Variants in TGM6 observed in about 807,000 individuals in gnomAD.
TGM6 encodes the protein protein-glutamine gamma-glutamyltransferase 6.
TGM6 carries 74 observed loss-of-function variants against 77.5 expected under a neutral mutation model. The observed-to-expected ratio is 0.96, with a 90% confidence interval of 0.79 to 1.16. The LOEUF is 1.16. TGM6 is among the 50% of genes most tolerant of loss of function. The probability of loss-of-function intolerance (pLI) is 0.00; values close to 1 mark genes in which losing one functional copy is unlikely to be tolerated. For synonymous variants in TGM6, 383 were observed against 378.9 expected, an observed-to-expected ratio of 1.01 and a Z score of -0.12; for missense variants, 968 against 940.2, an observed-to-expected ratio of 1.03 and a Z score of -0.39.
In TGM6 at chr20:2,417,342, C is replaced by T. The variant is rs748034814; in HGVS notation, c.1447C>T (p.Arg483Cys). 6.8e-6 allele frequency: 11 copies of T among 1,613,888 alleles called. No homozygotes were observed. The highest frequency in any genetic ancestry group is 2.2e-5 in the South Asian group (2 of 91,060). ...CAGGGCTGGGGGTCGCTGTCTCTGG[C>T]GTGACGACCTCCTGGAGCCTGCCAC... ...IRRAGGRCLWRDDLLEPATKP... is the reference protein window; with the variant it reads ...IRRAGGRCLWCDDLLEPATKP... The change falls in exon 10 of 13, where the codon CGT (arginine) becomes TGT (cysteine). Residue 483 changes from arginine (R) to cysteine (C), a missense_variant. Physicochemically the swap from Arg to Cys is radical, Grantham distance 180. Transcript: ENST00000202625.
At chr20:2,393,762 G>A (rs2084643607) in intron 1 of TGM6, among the ~76,000 whole-genome samples, 2 of 152,046 alleles carry the variant, frequency 1.3e-5, no homozygotes, top group Admixed American at 1.3e-4. Context: ...CCTGAGCTTA[G>A]GCAATCCGCC....
In TGM6 at chr20:2,403,675, C is replaced by A. The variant is rs145029765; in HGVS notation, c.1188C>A (p.Asn396Lys). 1 of 1,614,206 alleles carries A rather than the reference C, an allele frequency of 6.2e-7. No individual in the cohort carries two copies. Residue 396 changes from asparagine (N) to lysine (K), a missense_variant, in exon 9 of 13, where the codon AAC (asparagine) becomes AAA (lysine). Coordinates refer to ENST00000202625, the MANE Select transcript of TGM6 (RefSeq NM_198994.3). ...GCCCCTTCGTGTTTGCGGAGGTCAA[C>A]GCCGACTACATCACCTGGCTGTGGC... ...HDGPFVFAEV[N>K]ADYITWLWHE...
At chr20:2,422,790 A>G (rs1233927823) in intron 10 of TGM6, among the ~76,000 whole-genome samples, 2 of 151,798 alleles carry the variant, frequency 1.3e-5, no homozygotes, top group African/African-American at 4.8e-5. Flanking sequence ...ATAAAGGAAG[A>G]AAACAAAAAA....
rs2122319731 is a variant in TGM6, at chr20:2,383,435, AG to A, written c.7+2462del. On this transcript the variant is annotated intron_variant, in intron 1 of 12. Transcript: ENST00000202625. ...CTGCACATGGACCCTTCCCTTTCTT[AG>A]GTGGAGCTCTGGGGCCAGCTGGTGA... Among the ~76,000 whole-genome samples the A allele has an allele frequency of 2.0e-5, 3 of 152,248 alleles. 1 individual carries two copies. Among genetic ancestry groups the A allele is most frequent in the Admixed American group, 2.0e-4 (3 of 15,288 alleles).
intron 1 of TGM6, among the ~76,000 whole-genome samples, chr20:2,386,981 C>G (rs1324907367): frequency 6.6e-6 from 1 of 152,206 alleles, no homozygotes; most frequent in Non-Finnish European, 1.5e-5. Context: ...GAAAAAATAG[C>G]ATCCTGTTCT....
chr20:2,389,504 C>A (rs1313467261), intron 1 of TGM6, among the ~76,000 whole-genome samples: 1 of 152,182 alleles, frequency 6.6e-6, no homozygotes, highest in African/African-American at 2.4e-5. Flanking sequence ...GGTTAAGAAG[C>A]AATAGATGAG....
chr20:2,403,304 G>A, intron 7 of TGM6, 93 bp from the exon 8 acceptor site: 1 of 1,348,692 alleles, frequency 7.4e-7, no homozygotes, highest in African/African-American at 1.4e-5. Context: ...AGTTCTTGTG[G>A]AAAGTAGGGA....
intron 12 of TGM6, among the ~76,000 whole-genome samples, chr20:2,431,262 T>C (rs866458055): frequency 3.3e-5 from 5 of 152,258 alleles, no homozygotes. Context: ...CATTCATTCA[T>C]ACTTTCATTT....
chr20:2,410,157 G>T (rs1464817168), intron 9 of TGM6, among the ~76,000 whole-genome samples: 1 of 152,138 alleles, frequency 6.6e-6, no homozygotes, highest in Non-Finnish European at 1.5e-5. Flanking sequence ...GGCATGATTA[G>T]GGATTGGGGA....
intron 5 of TGM6, among the ~76,000 whole-genome samples, chr20:2,399,090 T>C (rs1242269714): frequency 1.3e-5 from 2 of 150,126 alleles, no homozygotes; most frequent in Non-Finnish European, 3.0e-5. Context: ...TAACTTGCTG[T>C]GTGATTTGGG....
In TGM6 at chr20:2,410,429, C is replaced by A. The variant is rs1289296895; in HGVS notation, c.1336+6606C>A. Among the ~76,000 whole-genome samples the A allele has an allele frequency of 4.6e-5, 7 of 152,118 alleles. No homozygotes were observed. In the East Asian group the frequency reaches 1.4e-3, roughly 29 times the overall value. ...TGTGTATCTCTCCCACTTGGCTCTTCCAGAGTTATATCCTTCATAACAAAC... is the reference window on the plus strand; with the variant it reads ...TGTGTATCTCTCCCACTTGGCTCTTACAGAGTTATATCCTTCATAACAAAC... On this transcript the variant is annotated intron_variant, in intron 9 of 12. Transcript: ENST00000202625.
intron 1 of TGM6, among the ~76,000 whole-genome samples, chr20:2,393,770 G>A (rs2084643702): frequency 6.6e-6 from 1 of 151,934 alleles, no homozygotes; most frequent in Non-Finnish European, 1.5e-5. Flanking sequence ...TAGGCAATCC[G>A]CCCACCTCGG....
chr20:2,394,728 G>T (rs1010595474), intron 2 of TGM6, 103 bp downstream of exon 2: 2 of 1,317,666 alleles, frequency 1.5e-6, no homozygotes, highest in South Asian at 1.3e-5. Context: ...GGCTCTGGGG[G>T]AAGCAAGTCA....
chr20:2,397,875 G>A (rs1599949749), intron 4 of TGM6, 43 bp from the exon 5 acceptor site: 1 of 1,614,050 alleles, frequency 6.2e-7, no homozygotes, highest in South Asian at 1.1e-5. Flanking sequence ...TGGAATATGG[G>A]TGACTGAACG....
rs927827212 is a variant in TGM6 at position 2,432,725 on chromosome 20, G to A, written c.*82G>A. On this transcript the variant is annotated 3_prime_UTR_variant, in exon 13 of 13. Coordinates refer to ENST00000202625, the MANE Select transcript of TGM6 (RefSeq NM_198994.3). ...CTTTGTCTCTTCCACATGGGAGCCA[G>A]GAGGCCTCAGTTAATCCTGCCTCAA... 6.3e-7 allele frequency: 1 copy of A among 1,598,852 alleles called. No homozygotes were observed.
chr20:2,415,363 A>G (rs933605306), intron 9 of TGM6, among the ~76,000 whole-genome samples: 1 of 152,092 alleles, frequency 6.6e-6, no homozygotes, highest in African/African-American at 2.4e-5. Context: ...TCAGAATTGG[A>G]CTTTGGAATC....
At chr20:2,399,286 C>G (rs2084689064) in intron 5 of TGM6, among the ~76,000 whole-genome samples, 1 of 152,158 alleles carries the variant, frequency 6.6e-6, no homozygotes, top group Non-Finnish European at 1.5e-5. Context: ...ATTATGCCAA[C>G]AGTCCCCCAA....
chr20:2,412,916 T>A (rs1452903680), intron 9 of TGM6, among the ~76,000 whole-genome samples: 1 of 152,206 alleles, frequency 6.6e-6, no homozygotes, highest in African/African-American at 2.4e-5. Flanking sequence ...TTTTCATTGA[T>A]CGAAAGGGTT....
rs1434595221 is a variant in TGM6 at position 2,417,511 on chromosome 20, C to T, written c.1616C>T (p.Thr539Ile). Residue 539 changes from threonine (T) to isoleucine (I), a missense_variant, in exon 10 of 13, where the codon ACC becomes ATC. By Grantham distance (89) the Thr-to-Ile change is moderately conservative. Transcript: ENST00000202625. ...VNLSGATILY[T>I]RKPVAEILHE... ...CTGAGCGGTGCCACCATCCTCTATA[C>T]CCGCAAGCCAGTGGCAGAGATCCTG... 1.9e-6 allele frequency: 3 copies of T among 1,607,530 alleles called. No homozygotes were observed. In the Admixed American group the frequency reaches 5.0e-5, roughly 27 times the overall value.
Sources: gnomAD v4.1 joint callset for allele counts (sites outside exome capture counted in the v4.1 genomes callset) on GRCh38, gnomAD v4.1.1 for gene constraint, MANE v1.5 for transcripts, NCBI Gene and HGNC (gene_info 2026-07-23, HGNC 2026-07-21) for gene names.